The following PLXNA2 variants were observed in gnomAD, a reference collection of about 807,000 sequenced individuals.
PLXNA2 encodes the protein plexin A2.
In PLXNA2, 91 loss-of-function variants were observed where a neutral mutation model predicts 193.5. The ratio of observed to expected loss-of-function variants is 0.47; its 90% CI spans 0.40 to 0.56. PLXNA2 has a LOEUF of 0.56. PLXNA2 is among the 20% of genes least tolerant of loss of function. The pLI is 0.00. For synonymous variants in PLXNA2, 997 were observed against 1,027.3 expected (o/e 0.97, Z 0.56); for missense variants, 1,995 against 2,503.2 (o/e 0.80, Z 4.33).
intron 5 of PLXNA2, among the ~76,000 whole-genome samples, chr1:208,099,725 C>T (rs573277622): frequency 1.3e-5 from 2 of 152,048 alleles, no homozygotes; most frequent in East Asian, 1.9e-4. Context: ...CGCCCACCAC[C>T]GTGCCCGGCT....
intron 12 of PLXNA2, among the ~76,000 whole-genome samples, chr1:208,068,794 C>A (rs923176861): frequency 2.0e-5 from 3 of 152,242 alleles, no homozygotes; most frequent in Non-Finnish European, 2.9e-5. Flanking sequence ...TTCTTTCCCC[C>A]ACTTTAGGCA....
At chr1:208,066,531 T>A (rs1189382327) in intron 12 of PLXNA2, among the ~76,000 whole-genome samples, 2 of 152,228 alleles carry the variant, frequency 1.3e-5, no homozygotes, top group Non-Finnish European at 2.9e-5. Flanking sequence ...CAGTCATAAG[T>A]CATAGGAAAG....
chr1:208,040,166 C>G, intron 22 of PLXNA2, 108 bp from the exon 23 acceptor site: 1 of 873,508 alleles, frequency 1.1e-6, no homozygotes, highest in Non-Finnish European at 1.9e-6. Context: ...CATGGGAGAA[C>G]GCAGGGCGGG....
intron 1 of PLXNA2, 93 bp from the exon 2 acceptor site, chr1:208,218,095 C>G (rs775924699): frequency 2.0e-6 from 2 of 1,014,306 alleles, no homozygotes; most frequent in Non-Finnish European, 2.9e-6. Context: ...CCTGGTTTAG[C>G]TCTGTGAGTC....
chr1:208,084,995 T>G (rs768958761), intron 9 of PLXNA2, among the ~76,000 whole-genome samples: 14 of 151,838 alleles, frequency 9.2e-5, no homozygotes, highest in Non-Finnish European at 1.8e-4. Flanking sequence ...GCATCCGTTA[T>G]CAGCAGCTTC....
chr1:208,040,354 A>C, intron 22 of PLXNA2: 1 of 406,638 alleles, frequency 2.5e-6, no homozygotes. Flanking sequence ...TCTGTGGATA[A>C]AGGCACCTCA....
Position 208,038,512 on chromosome 1 carries a change from G to T in PLXNA2, c.4661-38C>A. ...GGTGGTGCAGGGAGCGGCGTGAGAG[G>T]GATGAGGGCTGTGAGCCAGTGTCTC... On this transcript the variant is annotated intron_variant, in intron 25 of 31. Coordinates refer to ENST00000367033, the MANE Select transcript of PLXNA2 (RefSeq NM_025179.4). The surrounding 1 kb of genome is among the most constrained non-coding windows in gnomAD (Gnocchi z 4.1). 1 of 1,496,130 alleles carries T rather than the reference G, an allele frequency of 6.7e-7. No homozygotes were observed. Among genetic ancestry groups the T allele is most frequent in the Non-Finnish European group, 9.3e-7 (1 of 1,072,518 alleles). The allele number at this position is 1,496,130 out of a possible 1,614,324, so 92.7% of individuals were successfully genotyped here.
intron 1 of PLXNA2, among the ~76,000 whole-genome samples, chr1:208,227,147 C>T (rs1262046): frequency 0.8 from 122,264 of 152,176 alleles, 49,335 homozygotes; most frequent in East Asian, 0.87. Flanking sequence ...ATGGCTTTGC[C>T]AAGCCAAGTC....
chr1:208,040,246 TC>T (rs1664823121), intron 22 of PLXNA2, 188 bp from the exon 23 acceptor site: 7 of 596,152 alleles, frequency 1.2e-5, no homozygotes, highest in Non-Finnish European at 2.1e-5. Context: ...AGGGGTGGCT[TC>T]TTTCTGGGCC....
chr1:208,046,418 AAAG>A (rs750024379), intron 17 of PLXNA2, among the ~76,000 whole-genome samples: 2 of 152,266 alleles, frequency 1.3e-5, no homozygotes, highest in African/African-American at 2.4e-5. Flanking sequence ...GAGGGAAGAC[AAAG>A]AAGCATTACA....
rs555007318 is a variant in PLXNA2 at position 208,173,915 on chromosome 1, T to C, written c.1372-31452A>G. On this transcript the variant is annotated intron_variant, in intron 3 of 31. Coordinates refer to ENST00000367033, the MANE Select transcript of PLXNA2 (RefSeq NM_025179.4). ...CGACTTTCATTTCCTCTGCCCCTCC[T>C]GGGAATGCCATGCGGGTACCAGGAT... 6.6e-5 allele frequency among the ~76,000 whole-genome samples: 10 copies of C among 152,350 alleles called. 1 individual carries two copies. In the South Asian group the frequency reaches 1.7e-3, roughly 25 times the overall value.
chr1:208,155,263 C>T (rs1028652744), intron 3 of PLXNA2, among the ~76,000 whole-genome samples: 8 of 152,188 alleles, frequency 5.3e-5, no homozygotes, highest in Non-Finnish European at 7.4e-5. Context: ...GTCACTGGGC[C>T]GAAGGGATGG....
At chr1:208,121,473 A>C (rs1667806089) in intron 4 of PLXNA2, among the ~76,000 whole-genome samples, 1 of 152,130 alleles carries the variant, frequency 6.6e-6, no homozygotes, top group Admixed American at 6.5e-5. Flanking sequence ...AGGTAATTGA[A>C]TCATGGGGGT....
At chr1:208,123,725 A>T (rs1267010848) in intron 4 of PLXNA2, among the ~76,000 whole-genome samples, 1 of 152,178 alleles carries the variant, frequency 6.6e-6, no homozygotes. Context: ...AAGTAATTTT[A>T]TATGTTAAGA....
intron 26 of PLXNA2, among the ~76,000 whole-genome samples, chr1:208,037,261 C>T (rs928704722): frequency 6.6e-5 from 10 of 152,212 alleles, no homozygotes; most frequent in Admixed American, 5.2e-4. Flanking sequence ...CATTACACCA[C>T]ACTCATGTCC....
At chr1:208,179,940 CAA>C (rs1038118131) in intron 3 of PLXNA2, among the ~76,000 whole-genome samples, 3 of 152,134 alleles carry the variant, frequency 2.0e-5, no homozygotes, top group African/African-American at 7.2e-5. Flanking sequence ...AATACTTCCC[CAA>C]ATGCTACAGC....
At chr1:208,090,102 G>A (rs548713573) in intron 9 of PLXNA2, among the ~76,000 whole-genome samples, 1 of 152,172 alleles carries the variant, frequency 6.6e-6, no homozygotes, top group Non-Finnish European at 1.5e-5. Flanking sequence ...TGGCAACCTC[G>A]CTGGGAATCT....
At chr1:208,068,539 A>T (rs1464884440) in intron 12 of PLXNA2, among the ~76,000 whole-genome samples, 1 of 152,074 alleles carries the variant, frequency 6.6e-6, no homozygotes, top group Non-Finnish European at 1.5e-5. Context: ...AAACCCTTTG[A>T]TCATTTTGGA....
chr1:208,202,409 C>A (rs1670579826), intron 3 of PLXNA2, among the ~76,000 whole-genome samples: 1 of 152,160 alleles, frequency 6.6e-6, no homozygotes, highest in African/African-American at 2.4e-5. Flanking sequence ...TCTTATGATG[C>A]CGGTACCAGA....
Sources: gnomAD v4.1 joint callset for allele counts (sites outside exome capture counted in the v4.1 genomes callset) on GRCh38, gnomAD v4.1.1 for gene constraint, Gnocchi (gnomAD v3.1) non-coding constraint, MANE v1.5 for transcripts, NCBI Gene and HGNC (gene_info 2026-07-23, HGNC 2026-07-21) for gene names.